Variants in TCF7L1 observed in about 807,000 individuals in gnomAD.
The protein encoded by TCF7L1 is transcription factor 7-like 1.
TCF7L1 carries 18 observed loss-of-function variants against 63.7 expected under a neutral mutation model. The ratio of observed to expected loss-of-function variants is 0.28; its 90% confidence interval spans 0.20 to 0.42. TCF7L1 has a LOEUF of 0.42. TCF7L1 is among the 10% of genes least tolerant of loss of function. The pLI is 1.00. For synonymous variants in TCF7L1, 355 were observed against 340.9 expected, an observed-to-expected ratio of 1.04 and a Z score of -0.46; for missense variants, 654 against 779.3, an observed-to-expected ratio of 0.84 and a Z score of 1.91.
chr2:85,237,880 T>A (rs537034718), intron 3 of TCF7L1, among the ~76,000 whole-genome samples: 1 of 151,664 alleles, frequency 6.6e-6, no homozygotes, highest in Non-Finnish European at 1.5e-5. Context: ...TCTTCACATA[T>A]GGAGGACATG....
At chr2:85,307,542 AG>A in intron 10 of TCF7L1, 99 bp from the exon 11 acceptor site, 1 of 958,162 alleles carries the variant, frequency 1.0e-6, no homozygotes, top group Non-Finnish European at 1.7e-6. Context: ...GATCGAGAGC[AG>A]TAAAGGGCAA....
At chr2:85,235,623 G>T (rs1024443562) in intron 3 of TCF7L1, among the ~76,000 whole-genome samples, 4 of 152,074 alleles carry the variant, frequency 2.6e-5, no homozygotes, top group Admixed American at 6.6e-5. Context: ...GGCAGCCAAT[G>T]TGTTATACCT....
At chr2:85,215,069 A>G (rs1572995135) in intron 3 of TCF7L1, among the ~76,000 whole-genome samples, 1 of 152,194 alleles carries the variant, frequency 6.6e-6, no homozygotes, top group Non-Finnish European at 1.5e-5. Flanking sequence ...CTGAAACCAG[A>G]GTCTGTCCAT....
intron 10 of TCF7L1, among the ~76,000 whole-genome samples, chr2:85,307,218 C>T (rs1431170473): frequency 1.3e-5 from 2 of 152,188 alleles, no homozygotes; most frequent in Admixed American, 1.3e-4. Flanking sequence ...GGGGGCGTGT[C>T]TCTAAGCTCC....
intron 3 of TCF7L1, among the ~76,000 whole-genome samples, chr2:85,188,422 C>A (rs560475246): frequency 1.3e-5 from 2 of 152,310 alleles, no homozygotes; most frequent in East Asian, 3.9e-4. Flanking sequence ...TCCCTGTACA[C>A]TTTTTTTCCA....
At chr2:85,260,170 C>T (rs1680826151) in intron 3 of TCF7L1, among the ~76,000 whole-genome samples, 1 of 152,238 alleles carries the variant, frequency 6.6e-6, no homozygotes, top group East Asian at 1.9e-4. Context: ...GTTACAGTAA[C>T]ATCAGCAAGA....
chr2:85,201,965 AT>A (rs1436663599), intron 3 of TCF7L1, among the ~76,000 whole-genome samples: 5 of 142,614 alleles, frequency 3.5e-5, no homozygotes, highest in Admixed American at 3.5e-4. Context: ...TTATTTATTT[AT>A]TTTATTTTAT....
At chr2:85,224,455 T>C (rs1213131107) in intron 3 of TCF7L1, among the ~76,000 whole-genome samples, 1 of 152,232 alleles carries the variant, frequency 6.6e-6, no homozygotes, top group East Asian at 1.9e-4. Context: ...CACCTGTTGT[T>C]TCCTGACTTT....
chr2:85,153,943 G>A (rs939828337), intron 3 of TCF7L1, among the ~76,000 whole-genome samples: 1 of 152,208 alleles, frequency 6.6e-6, no homozygotes, highest in South Asian at 2.1e-4. Context: ...GGAAATCATT[G>A]TTCACTTCGG....
intron 3 of TCF7L1, among the ~76,000 whole-genome samples, chr2:85,188,389 G>A (rs1382628788): frequency 6.6e-6 from 1 of 152,166 alleles, no homozygotes; most frequent in Non-Finnish European, 1.5e-5. Flanking sequence ...CATCGGGGGA[G>A]GCTAGGCTAG....
chr2:85,254,448 G>C (rs956883183), intron 3 of TCF7L1, among the ~76,000 whole-genome samples: 6 of 152,278 alleles, frequency 3.9e-5, no homozygotes, highest in East Asian at 1.9e-4. Context: ...TCCTGCATTG[G>C]GGGGGCTTGA....
At chr2:85,198,431 A>G (rs779352822) in intron 3 of TCF7L1, among the ~76,000 whole-genome samples, 3 of 152,126 alleles carry the variant, frequency 2.0e-5, no homozygotes, top group Non-Finnish European at 2.9e-5. Flanking sequence ...TGGCTCCCTC[A>G]CTTCTGGTCT....
chr2:85,251,309 G>A (rs1009742801), intron 3 of TCF7L1, among the ~76,000 whole-genome samples: 5 of 152,112 alleles, frequency 3.3e-5, no homozygotes, highest in African/African-American at 4.8e-5. Flanking sequence ...ACCCATATCC[G>A]GATATTATTA....
At chr2:85,140,157 C>G (rs1220972377) in intron 3 of TCF7L1, among the ~76,000 whole-genome samples, 1 of 152,046 alleles carries the variant, frequency 6.6e-6, no homozygotes, top group African/African-American at 2.4e-5. Flanking sequence ...AGCTCAGGCA[C>G]CTGGAGACTG....
In TCF7L1 at chr2:85,306,523, G is replaced by A. The variant is rs149152041; in HGVS notation, c.1221G>A (p.Ser407=). 32 of 1,614,168 alleles carry A rather than the reference G, an allele frequency of 2.0e-5. No homozygotes were observed. In the Admixed American group the frequency reaches 4.3e-4, roughly 22 times the overall value. The part of the protein sequence containing the change: ...ELARKERQLH[S]QLYPTWSARD... ...CCCGGAAGGAGCGGCAGCTTCACTC[G>A]CAGCTCTACCCAACCTGGTCAGCCC... is the stretch of plus-strand genomic sequence containing the variant. Residue 407 remains serine, a synonymous_variant, in exon 10 of 12, where the codon TCG becomes TCA. Coordinates refer to ENST00000282111, the MANE Select transcript of TCF7L1 (RefSeq NM_031283.3). This position sits in a 1 kb window ranked among gnomAD's most constrained non-coding sequence, Gnocchi z 4.3.
intron 3 of TCF7L1, among the ~76,000 whole-genome samples, chr2:85,273,269 A>T (rs80323306): frequency 0.013 from 1,916 of 152,258 alleles, 33 homozygotes; most frequent in African/African-American, 0.044. Context: ...TGCCAGCTGC[A>T]AGGAACCCAC....
chr2:85,287,480 A>G (rs2104373260), intron 4 of TCF7L1, among the ~76,000 whole-genome samples: 1 of 152,336 alleles, frequency 6.6e-6, no homozygotes, highest in Admixed American at 6.5e-5. Context: ...TAACCATTGC[A>G]GATGTGTGCT....
chr2:85,148,237 T>C (rs974744174), intron 3 of TCF7L1, among the ~76,000 whole-genome samples: 2 of 152,138 alleles, frequency 1.3e-5, no homozygotes, highest in African/African-American at 4.8e-5. Flanking sequence ...GGAGAGTCTG[T>C]GGAGTCTGAG....
intron 3 of TCF7L1, chr2:85,187,216 C>G (rs1337123140): frequency 6.6e-6 from 1 of 152,194 alleles, no homozygotes; most frequent in Non-Finnish European, 1.5e-5. Context: ...CTAAAGAAGA[C>G]CTGATACTCT....
Sources: allele counts gnomAD v4.1 joint callset (sites outside exome capture counted in the v4.1 genomes callset), GRCh38; gene constraint gnomAD v4.1.1; non-coding constraint Gnocchi (gnomAD v3.1); transcripts MANE v1.5; gene names NCBI Gene and HGNC (gene_info 2026-07-23, HGNC 2026-07-21).